Variants in TAMM41 observed in about 807,000 individuals in gnomAD.
TAMM41 encodes phosphatidate cytidylyltransferase, mitochondrial.
A neutral mutation model predicts 44.1 loss-of-function variants in TAMM41; 36 were observed. The ratio of observed to expected loss-of-function variants is 0.82; its 90% confidence interval spans 0.63 to 1.08. The LOEUF is 1.08. TAMM41 is among the 50% of genes least tolerant of loss of function. The pLI, the probability that TAMM41 is intolerant of heterozygous loss-of-function variation, is 0.00. For synonymous variants in TAMM41, 164 were observed against 153.1 expected (o/e 1.07, Z -0.53); for missense variants, 417 against 404.3 (o/e 1.03, Z -0.27).
chr3:11,728,537 T>G, the TAMM41 span, among the ~76,000 whole-genome samples: 1 of 152,254 alleles, frequency 6.6e-6, no homozygotes, highest in East Asian at 1.9e-4. Flanking sequence ...CTTCCTTTCT[T>G]TCTTGCAGTT....
chr3:11,845,544 T>A (rs1215811129), intron 1 of TAMM41, among the ~76,000 whole-genome samples: 1 of 152,164 alleles, frequency 6.6e-6, no homozygotes, highest in Non-Finnish European at 1.5e-5. Flanking sequence ...ACATGTTTTT[T>A]AAAAATGTGT....
At chr3:11,787,571 C>A (rs2077424639), downstream of TAMM41, among the ~76,000 whole-genome samples, 1 of 152,156 alleles carries the variant, frequency 6.6e-6, no homozygotes, top group Non-Finnish European at 1.5e-5. Context: ...CTTGACTAGA[C>A]TGACTAATAT....
the TAMM41 span, among the ~76,000 whole-genome samples, chr3:11,735,119 G>A: frequency 1.3e-5 from 2 of 151,918 alleles, no homozygotes; most frequent in Non-Finnish European, 2.9e-5. Context: ...TAGCACTTTG[G>A]GAGGCTGAGA....
At chr3:11,729,674 C>T in the TAMM41 span, among the ~76,000 whole-genome samples, 3 of 150,514 alleles carry the variant, frequency 2.0e-5, no homozygotes, top group Non-Finnish European at 1.5e-5. Flanking sequence ...ATTCTCCTGC[C>T]TCAGCCTCCA....
Position 11,820,870 on chromosome 3 carries a change from C to T in TAMM41, c.563-3533G>A, listed in dbSNP as rs137863549. 4.5e-4 allele frequency among the ~76,000 whole-genome samples: 69 copies of T among 152,324 alleles called. 1 individual carries two copies. The highest frequency in any genetic ancestry group is 1.4e-3 in the Admixed American group (22 of 15,296). On this transcript the variant is annotated intron_variant, in intron 4 of 7. Transcript: ENST00000455809. ...GAAATGATACAAACTCCAAGGCCTG[C>T]AAGCCACCTGTAGGTGGCCTTCCCT...
At chr3:11,826,890 G>C (rs1183348856) in intron 4 of TAMM41, 1 of 152,168 alleles carries the variant, frequency 6.6e-6, no homozygotes, top group Non-Finnish European at 1.5e-5. Flanking sequence ...AGTATTGAGA[G>C]TAGTCCTTGG....
At position 11,840,806 on chromosome 3, in the gene TAMM41, G is replaced by C. The variant is rs533209322; in HGVS notation, c.319-1492C>G. 1.6e-3 allele frequency among the ~76,000 whole-genome samples: 242 copies of C among 152,148 alleles called. 1 individual carries two copies. Among genetic ancestry groups the C allele is most frequent in the Non-Finnish European group, 2.8e-3 (190 of 67,998 alleles). ...AGAAATAAAAAACCTAAAGCTCAGA[G>C]ACAACAAATGACATGCTCAAGGTGG... On this transcript the variant is annotated intron_variant, in intron 2 of 7. Coordinates refer to ENST00000455809, the MANE Select transcript of TAMM41 (RefSeq NM_001284401.2).
chr3:11,734,447 C>G, the TAMM41 span, among the ~76,000 whole-genome samples: 1 of 152,194 alleles, frequency 6.6e-6, no homozygotes, highest in African/African-American at 2.4e-5. Flanking sequence ...TTTTCCCCTT[C>G]ACCCAGTGGC....
intron 2 of TAMM41, 25 bp from the exon 3 acceptor site, chr3:11,839,339 A>G: frequency 7.0e-7 from 1 of 1,433,388 alleles, no homozygotes; most frequent in Non-Finnish European, 9.8e-7. Context: ...AAATGGCACA[A>G]AACGGAGTAA....
intron 4 of TAMM41, among the ~76,000 whole-genome samples, chr3:11,821,324 C>G (rs543801840): frequency 1.3e-5 from 2 of 152,320 alleles, no homozygotes; most frequent in Admixed American, 1.3e-4. Context: ...TATTTTCCTG[C>G]AACTAGACAG....
the TAMM41 span, among the ~76,000 whole-genome samples, chr3:11,746,859 C>G: frequency 6.6e-6 from 1 of 151,714 alleles, no homozygotes; most frequent in Admixed American, 6.6e-5. Flanking sequence ...TGCTCTCAAA[C>G]CCCTGGGCTC....
At chr3:11,790,785 G>A (rs2077460739) in intron 7 of TAMM41, among the ~76,000 whole-genome samples, 2 of 152,210 alleles carry the variant, frequency 1.3e-5, no homozygotes, top group African/African-American at 4.8e-5. Context: ...GGCATTTTCC[G>A]ATTTAGGGCT....
chr3:11,750,517 C>A, the TAMM41 span, among the ~76,000 whole-genome samples: 10 of 151,968 alleles, frequency 6.6e-5, no homozygotes, highest in Middle Eastern at 3.2e-3. Context: ...ACTATGTTGC[C>A]CAGGATGGTC....
downstream of TAMM41, among the ~76,000 whole-genome samples, chr3:11,786,663 C>T (rs1410195355): frequency 6.6e-6 from 1 of 151,964 alleles, no homozygotes; most frequent in Non-Finnish European, 1.5e-5. Context: ...TGCAGTGGCA[C>T]AATCACAGCT....
chr3:11,747,494 C>T, the TAMM41 span, among the ~76,000 whole-genome samples: 1 of 152,102 alleles, frequency 6.6e-6, no homozygotes, highest in African/African-American at 2.4e-5. Context: ...AAAGATGGGG[C>T]ACGGTGACTC....
At chr3:11,741,810 G>C in the TAMM41 span, among the ~76,000 whole-genome samples, 1 of 149,950 alleles carries the variant, frequency 6.7e-6, no homozygotes, top group Admixed American at 6.6e-5. Flanking sequence ...GGTGCTTAAG[G>C]TCGTTATTAA....
the TAMM41 span, among the ~76,000 whole-genome samples, chr3:11,737,840 G>A: frequency 6.6e-6 from 1 of 152,160 alleles, no homozygotes; most frequent in Non-Finnish European, 1.5e-5. Context: ...GTTCCAAATG[G>A]AGATATGGAG....
At chr3:11,732,726 A>T in the TAMM41 span, among the ~76,000 whole-genome samples, 1 of 152,136 alleles carries the variant, frequency 6.6e-6, no homozygotes, top group East Asian at 1.9e-4. Flanking sequence ...TGACAAGGAG[A>T]CAGCCGTGCC....
chr3:11,823,829 C>CA (rs1553578057), intron 4 of TAMM41, among the ~76,000 whole-genome samples: 2 of 117,942 alleles, frequency 1.7e-5, no homozygotes, highest in African/African-American at 6.8e-5. Flanking sequence ...CCATGCCCGG[C>CA]TTTTTTTTTT....
Sources: allele counts gnomAD v4.1 joint callset (sites outside exome capture counted in the v4.1 genomes callset), GRCh38; gene constraint gnomAD v4.1.1; transcripts MANE v1.5; gene names NCBI Gene and HGNC (gene_info 2026-07-23, HGNC 2026-07-21).